RNF144A: variants seen among roughly 807,000 people sequenced by gnomAD.
RNF144A encodes the protein E3 ubiquitin-protein ligase RNF144A.
Under a neutral mutation model 38.7 loss-of-function variants are expected in RNF144A, and 11 were observed. That is an observed-to-expected ratio of 0.28 (90% confidence interval 0.18 to 0.47). RNF144A has a LOEUF of 0.47. RNF144A is among the 20% of genes least tolerant of loss of function. The probability of loss-of-function intolerance (pLI) is 0.99; values close to 1 mark genes in which losing one functional copy is unlikely to be tolerated. For missense variants in RNF144A, 316 were observed against 377.2 expected, an observed-to-expected ratio of 0.84 and a Z score of 1.34; for synonymous variants, 149 against 143.9, an observed-to-expected ratio of 1.04 and a Z score of -0.25.
intron 2 of RNF144A, among the ~76,000 whole-genome samples, chr2:6,985,383 T>G (rs771260): frequency 0.79 from 119,230 of 151,540 alleles, 47,775 homozygotes; most frequent in Non-Finnish European, 0.85. Flanking sequence ...TGGCCATTCT[T>G]CCCTGGTTGG....
rs1280774325 is a variant in RNF144A, at chr2:6,943,415, A to G, written c.-12+2268A>G. Among the ~76,000 whole-genome samples, 1 of 152,188 alleles carries G rather than the reference A, an allele frequency of 6.6e-6. No homozygotes were observed. The highest frequency in any genetic ancestry group is 2.4e-5 in the African/African-American group (1 of 41,452). The stretch of plus-strand genomic sequence containing the variant: ...GAGAAGAATGCAGGGGAGGAAGTGG[A>G]GACAGGGATTGTAGACAACTCAGTT... On this transcript the variant is annotated intron_variant, in intron 2 of 8. Transcript: ENST00000320892. This position sits in a 1 kb window ranked among gnomAD's most constrained non-coding sequence, Gnocchi z 4.3.
intron 2 of RNF144A, among the ~76,000 whole-genome samples, chr2:6,960,858 A>G (rs1244653237): frequency 6.6e-6 from 1 of 152,164 alleles, no homozygotes; most frequent in African/African-American, 2.4e-5. Flanking sequence ...TTCCTTCAGC[A>G]TGAAGGAAGA....
intron 1 of RNF144A, among the ~76,000 whole-genome samples, chr2:6,921,495 A>G (rs1468046330): frequency 6.6e-6 from 1 of 152,216 alleles, no homozygotes; most frequent in Non-Finnish European, 1.5e-5. Context: ...GTATGTTGCT[A>G]TCCCTAGCTG....
At position 7,041,488 on chromosome 2, in the gene RNF144A, A is replaced by C. The variant is rs978893863; in HGVS notation, c.*1728A>C. 2.0e-5 allele frequency: 20 copies of C among 985,884 alleles called. No homozygotes were observed. The African/African-American group carries it at 3.5e-4, about 17-fold the overall frequency. 61.1% of individuals were successfully genotyped at this position (985,884 alleles called of 1,614,324 possible). On this transcript the variant is annotated 3_prime_UTR_variant, in exon 9 of 9. Coordinates refer to ENST00000320892, the MANE Select transcript of RNF144A (RefSeq NM_014746.6). Reference sequence around the variant, plus strand: ...TAATTGCAAGTTTAGTAACTCAGTAAGAACATGCCTGCGACTCCCTTTCTG... The same window carrying C: ...TAATTGCAAGTTTAGTAACTCAGTACGAACATGCCTGCGACTCCCTTTCTG...
intron 6 of RNF144A, among the ~76,000 whole-genome samples, chr2:7,057,227 T>C (rs1317682983): frequency 6.6e-6 from 1 of 152,224 alleles, no homozygotes; most frequent in East Asian, 1.9e-4. Flanking sequence ...TTATTTACAA[T>C]AGATCCTAAG....
At chr2:6,959,121 T>C (rs1159956394) in intron 2 of RNF144A, among the ~76,000 whole-genome samples, 1 of 152,186 alleles carries the variant, frequency 6.6e-6, no homozygotes, top group Non-Finnish European at 1.5e-5. Context: ...TCTGCATCCC[T>C]GTGGCCAAGT....
intron 4 of RNF144A, 27 bp downstream of exon 4, chr2:7,014,585 G>A: frequency 6.4e-7 from 1 of 1,561,538 alleles, no homozygotes; most frequent in Non-Finnish European, 8.8e-7. Context: ...AGACTGGGCT[G>A]TTTGATGTGC....
chr2:6,996,760 A>AG (rs1669770573), intron 2 of RNF144A, 156 bp from the exon 3 acceptor site: 2 of 741,858 alleles, frequency 2.7e-6, no homozygotes, highest in Non-Finnish European at 4.3e-6. Flanking sequence ...CTCAAAAAAA[A>AG]CCAAAAAATT....
chr2:7,033,299 G>C (rs1672447941), intron 8 of RNF144A, among the ~76,000 whole-genome samples: 1 of 152,218 alleles, frequency 6.6e-6, no homozygotes, highest in Non-Finnish European at 1.5e-5. Context: ...GCCCCTGCAG[G>C]CCCGTGCCCC....
intron 6 of RNF144A, among the ~76,000 whole-genome samples, chr2:7,061,558 C>G (rs886132618): frequency 7.9e-5 from 12 of 152,132 alleles, no homozygotes; most frequent in Admixed American, 6.5e-4. Flanking sequence ...CCGTGTCTAT[C>G]TGCACACATT....
intron 2 of RNF144A, among the ~76,000 whole-genome samples, chr2:6,950,127 G>A (rs74842900): frequency 0.021 from 3,174 of 152,228 alleles, 119 homozygotes; most frequent in African/African-American, 0.074. Flanking sequence ...AGCATAATTA[G>A]CAAATATCCT....
intron 1 of RNF144A, among the ~76,000 whole-genome samples, chr2:6,920,178 C>T (rs925176790): frequency 5.9e-5 from 9 of 152,234 alleles, no homozygotes; most frequent in African/African-American, 1.7e-4. Flanking sequence ...TGGTCCACCA[C>T]GTGGCCCCAC....
intron 3 of RNF144A, among the ~76,000 whole-genome samples, chr2:7,009,104 T>G (rs151295564): frequency 6.6e-5 from 10 of 152,254 alleles, no homozygotes; most frequent in Non-Finnish European, 1.5e-4. Context: ...GCACTCACCC[T>G]CCACATGGGT....
intron 3 of RNF144A, among the ~76,000 whole-genome samples, chr2:7,007,022 G>A (rs1312082624): frequency 6.6e-6 from 1 of 152,084 alleles, no homozygotes; most frequent in Non-Finnish European, 1.5e-5. Context: ...TAAGGTCAGA[G>A]AGTGCCTTCC....
At chr2:7,044,189 G>C (rs1450218801), downstream of RNF144A, 1 of 985,470 alleles carries the variant, frequency 1.0e-6, no homozygotes, top group Non-Finnish European at 1.2e-6. Flanking sequence ...ACCCCGCGTG[G>C]CTCCGTCTTT....
intron 2 of RNF144A, among the ~76,000 whole-genome samples, chr2:6,956,173 A>T (rs1666982388): frequency 6.6e-6 from 1 of 151,978 alleles, no homozygotes; most frequent in South Asian, 2.1e-4. Context: ...TCTGATTCAT[A>T]GAGGATTGTG....
intron 6 of RNF144A, among the ~76,000 whole-genome samples, chr2:7,051,776 C>T (rs989948668): frequency 6.6e-6 from 1 of 152,108 alleles, no homozygotes; most frequent in African/African-American, 2.4e-5. Flanking sequence ...GTAATCCCAG[C>T]TACTTGGGAG....
At chr2:6,957,714 C>G (rs3772017) in intron 2 of RNF144A, among the ~76,000 whole-genome samples, 14,566 of 152,300 alleles carry the variant, frequency 0.096, 764 homozygotes, top group African/African-American at 0.12. Flanking sequence ...CCCTCTGGTT[C>G]TAGGCCTCTG....
At chr2:7,018,545 T>C (rs1414901608) in intron 5 of RNF144A, among the ~76,000 whole-genome samples, 2 of 152,232 alleles carry the variant, frequency 1.3e-5, no homozygotes, top group Non-Finnish European at 2.9e-5. Flanking sequence ...CCCTCCTTGC[T>C]TTGCTGTGAC....
Sources: gnomAD v4.1 joint callset for allele counts (sites outside exome capture counted in the v4.1 genomes callset) on GRCh38, gnomAD v4.1.1 for gene constraint, Gnocchi (gnomAD v3.1) non-coding constraint, MANE v1.5 for transcripts, NCBI Gene and HGNC (gene_info 2026-07-23, HGNC 2026-07-21) for gene names.